Variants in VPS13A observed in about 807,000 individuals in gnomAD.
VPS13A encodes the protein intermembrane lipid transfer protein VPS13A.
VPS13A carries 264 observed loss-of-function variants against 390.9 expected under a neutral mutation model. The ratio of observed to expected loss-of-function variants is 0.68; its 90% CI spans 0.61 to 0.75. The LOEUF (loss-of-function observed/expected upper bound fraction) is 0.75, where lower values mean the gene tolerates loss of function less well. VPS13A is among the 30% of genes least tolerant of loss of function. The pLI, the probability that VPS13A is intolerant of heterozygous loss-of-function variation, is 0.00. For synonymous variants in VPS13A, 1,231 were observed against 1,227.1 expected (o/e 1.00, Z -0.07); for missense variants, 3,409 against 3,733.9 (o/e 0.91, Z 2.27).
chr9:77,221,603 A>G (rs1184610313), intron 13 of VPS13A, among the ~76,000 whole-genome samples: 1 of 152,186 alleles, frequency 6.6e-6, no homozygotes, highest in Non-Finnish European at 1.5e-5. Flanking sequence ...TGCAAATAGT[A>G]TGATTATGTC....
chr9:77,382,835 C>T (rs1833511931), intron 68 of VPS13A: 1 of 985,314 alleles, frequency 1.0e-6, no homozygotes, highest in East Asian at 1.1e-4. Flanking sequence ...GAACAATAGA[C>T]AGTTTGAAGT....
chr9:77,375,720 AAAGT>A (rs552598894), intron 67 of VPS13A, among the ~76,000 whole-genome samples: 6 of 152,218 alleles, frequency 3.9e-5, no homozygotes, highest in East Asian at 3.8e-4. Context: ...AGACAAAATA[AAAGT>A]AAGTAAATAA....
chr9:77,189,743 G>A (rs922618504), intron 1 of VPS13A, among the ~76,000 whole-genome samples: 3 of 152,234 alleles, frequency 2.0e-5, no homozygotes, highest in East Asian at 1.9e-4. Context: ...AGCATGGAAT[G>A]TTTTTCCATT....
At position 77,220,030 on chromosome 9, in the gene VPS13A, A is replaced by G. The variant is rs762986969; in HGVS notation, c.831A>G (p.Ile277Met). 1.9e-6 allele frequency: 3 copies of G among 1,613,028 alleles called. No homozygotes were observed. The highest frequency in any genetic ancestry group is 1.1e-5 in the South Asian group (1 of 91,024). Reference protein sequence around the residue: ...RSDFDFSAPKINLEIELHNIA... With the variant: ...RSDFDFSAPKMNLEIELHNIA... Reference sequence around the variant, plus strand: ...ATTTTGACTTTTCTGCCCCCAAAATAAACTTGGAAATTGAGTTACATAACA... The same window carrying G: ...ATTTTGACTTTTCTGCCCCCAAAATGAACTTGGAAATTGAGTTACATAACA... The change falls in exon 11 of 72, where the codon ATA (isoleucine) becomes ATG (methionine). Residue 277 changes from isoleucine (I) to methionine (M), a missense_variant. Physicochemically the swap from Ile to Met is conservative, Grantham distance 10. Around this residue, in one of 5 missense-constraint regions of VPS13A, gnomAD observed 2,717 missense variants for 2,917.4 expected, o/e 0.93. Transcript: ENST00000360280.
At chr9:77,318,718 G>C (rs1469235429) in intron 41 of VPS13A, 127 bp downstream of exon 41, 1 of 992,580 alleles carries the variant, frequency 1.0e-6, no homozygotes, top group Non-Finnish European at 1.5e-6. Flanking sequence ...TATGATATTG[G>C]GTCAAAAACT....
At chr9:77,288,824 C>G (rs1195785262) in intron 31 of VPS13A, among the ~76,000 whole-genome samples, 2 of 152,130 alleles carry the variant, frequency 1.3e-5, no homozygotes, top group Admixed American at 6.5e-5. Context: ...GTGTTGAAGC[C>G]TCTGATTATA....
Position 77,344,177 on chromosome 9 carries a change from G to A in VPS13A, c.7051G>A (p.Ala2351Thr), listed in dbSNP as rs1202040271. 2 of 1,608,512 alleles carry A rather than the reference G, an allele frequency of 1.2e-6. No individual in the cohort carries two copies. Among genetic ancestry groups the A allele is most frequent in the African/African-American group, 1.3e-5 (1 of 74,866 alleles). The change falls in exon 51 of 72, where the codon GCT becomes ACT. Residue 2351 changes from alanine (A) to threonine (T), a missense_variant. Physicochemically the swap from Ala to Thr is moderately conservative, Grantham distance 58. Coordinates refer to ENST00000360280, the MANE Select transcript of VPS13A (RefSeq NM_033305.3). ...EQCIPFWPEY[A>T]SSKLLIQVER... Reference sequence around the variant, plus strand: ...GTGTATCCCCTTTTGGCCTGAGTATGCTTCTAGTAAACTTCTTATTCAAGT... The same window carrying A: ...GTGTATCCCCTTTTGGCCTGAGTATACTTCTAGTAAACTTCTTATTCAAGT...
At chr9:77,230,118 G>A (rs1055007596) in intron 17 of VPS13A, among the ~76,000 whole-genome samples, 5 of 151,740 alleles carry the variant, frequency 3.3e-5, no homozygotes, top group Admixed American at 6.6e-5. Flanking sequence ...TTTATGTTGG[G>A]TTGTCTTTTT....
At chr9:77,220,134 A>G in intron 11 of VPS13A, 53 bp downstream of exon 11, 1 of 1,559,550 alleles carries the variant, frequency 6.4e-7, no homozygotes, top group Non-Finnish European at 8.8e-7. Context: ...GATAAAAGCA[A>G]AACTAAGATT....
intron 59 of VPS13A, 90 bp downstream of exon 59, chr9:77,360,731 A>T: frequency 1.0e-6 from 1 of 975,900 alleles, no homozygotes; most frequent in East Asian, 2.7e-5. Flanking sequence ...ACTTTGTTGC[A>T]TTTTAAAAAT....
intron 1 of VPS13A, 37 bp downstream of exon 1, chr9:77,177,841 T>G (rs1372861275): frequency 6.4e-7 from 1 of 1,574,746 alleles, no homozygotes; most frequent in South Asian, 1.1e-5. Flanking sequence ...CGGCCTCTCG[T>G]GCTTCCCGGC....
intron 45 of VPS13A, among the ~76,000 whole-genome samples, chr9:77,323,884 TG>T (rs112187335): frequency 0.19 from 28,467 of 152,008 alleles, 2,809 homozygotes; most frequent in Middle Eastern, 0.25. Context: ...TACTTGTTGT[TG>T]CTCAGTAGTA....
Position 77,294,079 on chromosome 9 carries a change from A to AT in VPS13A, c.3507+581dup, listed in dbSNP as rs34595058. On this transcript the variant is annotated intron_variant, in intron 32 of 71. Transcript: ENST00000360280. Reference sequence around the variant, plus strand: ...TCACCATGCACATACCACCAAGCTAATTTTTTTTTTCTTCAAGTTTTTATA... The same window carrying AT: ...TCACCATGCACATACCACCAAGCTAATTTTTTTTTTTCTTCAAGTTTTTATA... Among the ~76,000 whole-genome samples, 93 of 149,588 alleles carry AT rather than the reference A, an allele frequency of 6.2e-4. 1 individual carries two copies. The highest frequency in any genetic ancestry group is 2.2e-3 in the African/African-American group (88 of 40,752).
At chr9:77,246,339 A>G (rs960937820) in intron 19 of VPS13A, among the ~76,000 whole-genome samples, 5 of 152,088 alleles carry the variant, frequency 3.3e-5, no homozygotes, top group African/African-American at 9.7e-5. Context: ...ATAATTGTAT[A>G]TGTATTTTAT....
chr9:77,181,853 C>G (rs1457446084), intron 1 of VPS13A, among the ~76,000 whole-genome samples: 1 of 152,106 alleles, frequency 6.6e-6, no homozygotes, highest in Non-Finnish European at 1.5e-5. Flanking sequence ...TGCTACTGTA[C>G]TGGGTTCAAT....
At chr9:77,248,580 C>T (rs1047951397) in intron 20 of VPS13A, among the ~76,000 whole-genome samples, 6 of 151,570 alleles carry the variant, frequency 4.0e-5, no homozygotes, top group South Asian at 2.1e-4. Context: ...ATTTTTTTGG[C>T]GGTATTCTAG....
At chr9:77,233,312 G>A (rs986235740) in intron 17 of VPS13A, among the ~76,000 whole-genome samples, 8 of 151,318 alleles carry the variant, frequency 5.3e-5, no homozygotes, top group African/African-American at 1.9e-4. Context: ...CTTATTTTAG[G>A]TAAAGGTTTG....
chr9:77,227,654 C>T (rs763268185), intron 16 of VPS13A, among the ~76,000 whole-genome samples, 169 bp downstream of exon 16: 2 of 151,938 alleles, frequency 1.3e-5, no homozygotes, highest in Non-Finnish European at 2.9e-5. Flanking sequence ...ATAGCTGGAG[C>T]CACAGGCATG....
At chr9:77,202,877 T>C in intron 3 of VPS13A, among the ~76,000 whole-genome samples, 1 of 152,216 alleles carries the variant, frequency 6.6e-6, no homozygotes, top group Non-Finnish European at 1.5e-5. Context: ...AGCACCTGTC[T>C]TTTAAAAATA....
Sources: allele counts gnomAD v4.1 joint callset (sites outside exome capture counted in the v4.1 genomes callset), GRCh38; gene constraint gnomAD v4.1.1; regional missense constraint gnomAD v4.1.1; transcripts MANE v1.5; gene names NCBI Gene and HGNC (gene_info 2026-07-23, HGNC 2026-07-21).